The following PPP1R9A variants were observed in gnomAD, a reference collection of about 807,000 sequenced individuals.
PPP1R9A encodes neurabin-1.
Under a neutral mutation model 141.9 loss-of-function variants are expected in PPP1R9A, and 59 were observed. The observed-to-expected ratio is 0.42, with a 90% CI of 0.34 to 0.52. The LOEUF is 0.52. Among genes scored for constraint, PPP1R9A ranks in the 20% least tolerant of loss-of-function variants. PPP1R9A has a pLI of 0.10. For missense variants in PPP1R9A, 1,444 were observed against 1,611.9 expected (o/e 0.90, Z 1.78); for synonymous variants, 500 against 569.7 (o/e 0.88, Z 1.74).
chr7:95,260,915 A>G (rs1466765708), intron 12 of PPP1R9A, among the ~76,000 whole-genome samples: 1 of 152,184 alleles, frequency 6.6e-6, no homozygotes, highest in African/African-American at 2.4e-5. Context: ...ACTGTATTCC[A>G]AATTATTTCT....
intron 7 of PPP1R9A, among the ~76,000 whole-genome samples, chr7:95,218,629 T>C (rs1793886189): frequency 6.6e-6 from 1 of 152,158 alleles, no homozygotes; most frequent in African/African-American, 2.4e-5. Context: ...CTCTAAGGAC[T>C]TGCTTTATGA....
chr7:95,040,677 C>G (rs983332904), intron 2 of PPP1R9A, among the ~76,000 whole-genome samples: 2 of 152,136 alleles, frequency 1.3e-5, no homozygotes, highest in African/African-American at 4.8e-5. Flanking sequence ...CTTAGGCCAT[C>G]TTTATCTCCA....
intron 3 of PPP1R9A, among the ~76,000 whole-genome samples, chr7:95,118,507 T>C (rs920781072): frequency 1.3e-5 from 2 of 152,168 alleles, no homozygotes; most frequent in African/African-American, 2.4e-5. Context: ...ACTGTAAAGA[T>C]TCCTCTAGCA....
chr7:95,239,273 A>G (rs1036387213), intron 8 of PPP1R9A, among the ~76,000 whole-genome samples: 2 of 152,220 alleles, frequency 1.3e-5, no homozygotes, highest in African/African-American at 4.8e-5. Context: ...ATATGACTTC[A>G]AGATTTATCA....
chr7:95,038,642 A>C (rs1023056272), intron 2 of PPP1R9A, among the ~76,000 whole-genome samples: 10 of 152,192 alleles, frequency 6.6e-5, no homozygotes, highest in Non-Finnish European at 1.5e-4. Context: ...TTCCTGCTTC[A>C]CTGAAGGAAT....
rs562661724 is a variant in PPP1R9A at position 94,994,682 on chromosome 7, T to C, written c.1395+83174T>C. Among the ~76,000 whole-genome samples, 9 of 151,506 alleles carry C rather than the reference T, an allele frequency of 5.9e-5. 1 individual carries two copies. Among genetic ancestry groups the C allele is most frequent in the Admixed American group, 5.3e-4 (8 of 15,198 alleles). On this transcript the variant is annotated intron_variant, in intron 2 of 19. Transcript: ENST00000433360. Reference sequence around the variant, plus strand: ...AGGCTGAGGCAGACGGATCACGAGGTCAAGAGATTGAGACCATCCTGGCCA... The same window carrying C: ...AGGCTGAGGCAGACGGATCACGAGGCCAAGAGATTGAGACCATCCTGGCCA...
chr7:95,158,853 G>A lies in PPP1R9A; in HGVS notation c.1650-3014G>A, dbSNP rs372478062. ...CAAACATATGAAAAAATGTTTACCC[G>A]CACTAGTAATCAGTGAAATGCAATT... On this transcript the variant is annotated intron_variant, in intron 4 of 19. Coordinates refer to ENST00000433360, the MANE Select transcript of PPP1R9A (RefSeq NM_001166160.2). Among the ~76,000 whole-genome samples, 30 of 152,286 alleles carry A rather than the reference G, an allele frequency of 2.0e-4. No individual in the cohort carries two copies. In the East Asian group the frequency reaches 4.2e-3, roughly 22 times the overall value.
chr7:95,247,359 C>A, intron 8 of PPP1R9A, 114 bp from the exon 9 acceptor site: 1 of 761,652 alleles, frequency 1.3e-6, no homozygotes, highest in Non-Finnish European at 2.2e-6. Flanking sequence ...TGCTGCACTG[C>A]AGCACTTTTC....
chr7:94,931,649 G>A (rs1412015350), intron 2 of PPP1R9A, among the ~76,000 whole-genome samples: 1 of 152,070 alleles, frequency 6.6e-6, no homozygotes, highest in Non-Finnish European at 1.5e-5. Context: ...TGCAACCTCG[G>A]CTCACCGCAA....
chr7:95,042,156 AAATAGACCT>A (rs1809338830), intron 2 of PPP1R9A, among the ~76,000 whole-genome samples: 1 of 152,154 alleles, frequency 6.6e-6, no homozygotes, highest in African/African-American at 2.4e-5. Context: ...CTTGTGCATG[AAATAGACCT>A]ATATGTAAGC....
At chr7:95,085,074 G>A (rs967258918) in intron 2 of PPP1R9A, among the ~76,000 whole-genome samples, 3 of 151,708 alleles carry the variant, frequency 2.0e-5, no homozygotes, top group African/African-American at 4.9e-5. Context: ...ACCCATACTC[G>A]GCCTCTCCAA....
At chr7:94,978,884 C>T (rs904499140) in intron 2 of PPP1R9A, among the ~76,000 whole-genome samples, 18 of 152,172 alleles carry the variant, frequency 1.2e-4, no homozygotes, top group African/African-American at 4.1e-4. Flanking sequence ...ACAACCTTCG[C>T]CTCCTGGGTT....
chr7:95,039,120 T>C (rs1808852699), intron 2 of PPP1R9A, among the ~76,000 whole-genome samples: 1 of 152,134 alleles, frequency 6.6e-6, no homozygotes, highest in South Asian at 2.1e-4. Context: ...GACAAAGCCA[T>C]CATCAGAGCC....
chr7:95,247,365 T>A (rs1356291146), intron 8 of PPP1R9A, 108 bp from the exon 9 acceptor site: 3 of 853,750 alleles, frequency 3.5e-6, no homozygotes, highest in Non-Finnish European at 3.7e-6. Flanking sequence ...ACTGCAGCAC[T>A]TTTCTAGGCC....
At chr7:95,006,342 C>G (rs1232536661) in intron 2 of PPP1R9A, among the ~76,000 whole-genome samples, 4 of 151,700 alleles carry the variant, frequency 2.6e-5, no homozygotes, top group East Asian at 1.9e-4. Flanking sequence ...TTCAGCTCCC[C>G]GAGTAGCTGG....
At chr7:94,913,014 A>G (rs917462258) in intron 2 of PPP1R9A, among the ~76,000 whole-genome samples, 2 of 151,890 alleles carry the variant, frequency 1.3e-5, no homozygotes, top group South Asian at 4.2e-4. Context: ...TCATCTTTCT[A>G]CCCTTTAGGA....
At chr7:95,281,623 G>T (rs1015879701) in intron 16 of PPP1R9A, among the ~76,000 whole-genome samples, 32 of 152,130 alleles carry the variant, frequency 2.1e-4, no homozygotes, top group African/African-American at 7.5e-4. Context: ...GCTTGGACAG[G>T]ATTTGGACTA....
chr7:95,158,569 A>T (rs542587823), intron 4 of PPP1R9A, among the ~76,000 whole-genome samples: 2 of 152,336 alleles, frequency 1.3e-5, no homozygotes, highest in South Asian at 4.1e-4. Context: ...CAAAACACAA[A>T]AAAATACCTA....
intron 2 of PPP1R9A, among the ~76,000 whole-genome samples, chr7:94,990,074 C>A (rs556874191): frequency 8.1e-4 from 123 of 152,130 alleles, no homozygotes; most frequent in African/African-American, 2.9e-3. Context: ...AAATGCCTCT[C>A]ACAATTCTGA....
Sources: gnomAD v4.1 joint callset for allele counts (sites outside exome capture counted in the v4.1 genomes callset) on GRCh38, gnomAD v4.1.1 for gene constraint, MANE v1.5 for transcripts, NCBI Gene and HGNC (gene_info 2026-07-23, HGNC 2026-07-21) for gene names.